The following MYT1 variants were observed in gnomAD, a reference collection of about 807,000 sequenced individuals.
The protein encoded by MYT1 is myelin transcription factor 1.
MYT1 carries 23 observed loss-of-function variants against 123.0 expected under a neutral mutation model. The observed-to-expected ratio is 0.19, with a 90% CI of 0.13 to 0.26. The LOEUF (loss-of-function observed/expected upper bound fraction) is 0.26. Ranked by LOEUF, MYT1 falls within the 10% of genes least tolerant of loss-of-function variation. The pLI is 1.00. For missense variants in MYT1, 1,125 were observed against 1,472.5 expected (o/e 0.76, Z 3.86); for synonymous variants, 518 against 575.3 (o/e 0.90, Z 1.43).
chr20:64,219,432 T>A (rs1407992897), intron 12 of MYT1, among the ~76,000 whole-genome samples: 1 of 152,166 alleles, frequency 6.6e-6, no homozygotes, highest in South Asian at 2.1e-4. Flanking sequence ...GCTGACACAC[T>A]CTCCTTGCTC....
At chr20:64,195,545 A>ACCCG (rs1247384787) in intron 2 of MYT1, among the ~76,000 whole-genome samples, 1 of 151,546 alleles carries the variant, frequency 6.6e-6, no homozygotes, top group African/African-American at 2.4e-5. Context: ...ACAGGCGTGC[A>ACCCG]CCACCACACC....
rs908717229 is a variant in MYT1 at position 64,167,943 on chromosome 20, G to A, written c.-99+3204G>A. 6.6e-6 allele frequency among the ~76,000 whole-genome samples: 1 copy of A among 152,216 alleles called. No individual in the cohort carries two copies. Among genetic ancestry groups the A allele is most frequent in the Non-Finnish European group, 1.5e-5 (1 of 68,038 alleles). On this transcript the variant is annotated intron_variant, in intron 1 of 22. Coordinates refer to ENST00000328439, the MANE Select transcript of MYT1 (RefSeq NM_004535.3). This position sits in a 1 kb window ranked among gnomAD's most constrained non-coding sequence, Gnocchi z 6.3. ...TTTCCCAGAAGGGAAGAGAGCAGTG[G>A]CTGCCGTGCTGCTCCCCCGTGGGCT... is the stretch of plus-strand genomic sequence containing the variant.
intron 18 of MYT1, among the ~76,000 whole-genome samples, chr20:64,228,955 A>G (rs1984247508): frequency 6.6e-6 from 1 of 152,194 alleles, no homozygotes; most frequent in South Asian, 2.1e-4. Flanking sequence ...GGCCAAGAGC[A>G]GCCAGACCTC....
intron 10 of MYT1, among the ~76,000 whole-genome samples, chr20:64,215,126 CAGCTTCCT>C: frequency 6.6e-6 from 1 of 152,328 alleles, no homozygotes; most frequent in South Asian, 2.1e-4. Context: ...CTGTTCCCTC[CAGCTTCCT>C]GTCAGTTGCT....
chr20:64,181,488 A>G (rs1479387540), intron 1 of MYT1, among the ~76,000 whole-genome samples: 2 of 152,044 alleles, frequency 1.3e-5, no homozygotes, highest in African/African-American at 4.8e-5. Context: ...TTTACAATTT[A>G]TTTCCAAGTT....
intron 16 of MYT1, among the ~76,000 whole-genome samples, chr20:64,225,258 G>A (rs1053685919): frequency 3.3e-5 from 5 of 152,206 alleles, no homozygotes; most frequent in African/African-American, 4.8e-5. Context: ...AGGCGGCATC[G>A]GGCACTGGCC....
chr20:64,234,067 G>T (rs1376645004), intron 19 of MYT1, among the ~76,000 whole-genome samples: 7 of 152,232 alleles, frequency 4.6e-5, no homozygotes, highest in African/African-American at 1.4e-4. Context: ...GACTACTGCA[G>T]CCGGGGTCAG....
intron 15 of MYT1, 59 bp downstream of exon 15, chr20:64,223,232 T>C: frequency 6.2e-7 from 1 of 1,609,912 alleles, no homozygotes; most frequent in Non-Finnish European, 8.5e-7. Flanking sequence ...CTTCCTCCTC[T>C]CCTCCTCCTC....
At position 64,239,890 on chromosome 20, in the gene MYT1, G is replaced by A. The variant is rs749499337; in HGVS notation, c.3224G>A (p.Arg1075His). The change falls in exon 22 of 23, where the codon CGC becomes CAC. Residue 1075 changes from arginine to histidine, a missense_variant. By Grantham distance (29) the Arg-to-His change is conservative (BLOSUM62 0). Coordinates refer to ENST00000328439, the MANE Select transcript of MYT1 (RefSeq NM_004535.3). ...CTCATCCAAAGTCTCGCCAATATCC[G>A]CCTTCCGCACATGGTAGGCAGCACG... ...QALIQSLANI[R>H]LPHMEPICEQ... 3.8e-5 allele frequency: 62 copies of A among 1,612,818 alleles called. No homozygotes were observed. In the Middle Eastern group the frequency reaches 4.9e-4, roughly 13 times the overall value.
chr20:64,201,609 C>T (rs976976515), intron 4 of MYT1, among the ~76,000 whole-genome samples: 3 of 152,238 alleles, frequency 2.0e-5, no homozygotes, highest in Non-Finnish European at 4.4e-5. Context: ...GCCTGTGGCT[C>T]GTGCTGGCTG....
At chr20:64,236,068 C>A (rs1199443115) in intron 19 of MYT1, among the ~76,000 whole-genome samples, 19 of 79,448 alleles carry the variant, frequency 2.4e-4, no homozygotes, top group South Asian at 5.4e-4. Flanking sequence ...TGACCCTGGG[C>A]TGGCCGTGGT....
rs756507230 is a variant in MYT1 at position 64,211,300 on chromosome 20, C to T, written c.1386C>T (p.Ser462=). The T allele has an allele frequency of 6.2e-7, 1 of 1,613,978 alleles. No individual in the cohort carries two copies. The highest frequency in any genetic ancestry group is 1.1e-5 in the South Asian group (1 of 90,992). The part of the protein sequence containing the change: ...HVTGLYPHHR[S]LSGCPHKDRI... ...CCGGGTTGTACCCTCACCACCGCAG[C>T]CTTTCTGGCTGTCCCCACAAGGATA... The change falls in exon 8 of 23, where the codon AGC becomes AGT. Residue 462 remains serine (S), a synonymous_variant. Coordinates refer to ENST00000328439, the MANE Select transcript of MYT1 (RefSeq NM_004535.3).
At chr20:64,235,753 T>G (rs190835937) in intron 19 of MYT1, among the ~76,000 whole-genome samples, 1,111 of 33,236 alleles carry the variant, frequency 0.033, 9 homozygotes, top group Non-Finnish European at 0.036. Flanking sequence ...GGGTGACCCT[T>G]GGATGGCTGT....
At chr20:64,197,395 C>T (rs746613778) in intron 2 of MYT1, among the ~76,000 whole-genome samples, 6 of 152,150 alleles carry the variant, frequency 3.9e-5, no homozygotes, top group South Asian at 4.1e-4. Flanking sequence ...CCATTTAAGA[C>T]GTGGGGGCTT....
intron 7 of MYT1, among the ~76,000 whole-genome samples, chr20:64,210,290 G>C (rs1290013831): frequency 6.6e-6 from 1 of 152,242 alleles, no homozygotes; most frequent in Admixed American, 6.5e-5. Context: ...GTGCCCAGCT[G>C]GGCTGTGAGT....
At position 64,167,194 on chromosome 20, in the gene MYT1, A is replaced by G. The variant is rs1982107623; in HGVS notation, c.-99+2455A>G. Among the ~76,000 whole-genome samples, 1 of 152,168 alleles carries G rather than the reference A, an allele frequency of 6.6e-6. No homozygotes were observed. The highest frequency in any genetic ancestry group is 2.4e-5 in the African/African-American group (1 of 41,442). ...TTGCACAACCCAGTACTGTGCAGAG[A>G]GAGCAGGAGAGGTTCCTGAAGACTG... On this transcript the variant is annotated intron_variant, in intron 1 of 22. Coordinates refer to ENST00000328439, the MANE Select transcript of MYT1 (RefSeq NM_004535.3). The surrounding 1 kb of genome is among the most constrained non-coding windows in gnomAD (Gnocchi z 6.3).
At chr20:64,216,278 A>G (rs1185276828) in intron 10 of MYT1, among the ~76,000 whole-genome samples, 1 of 152,256 alleles carries the variant, frequency 6.6e-6, no homozygotes, top group Non-Finnish European at 1.5e-5. Flanking sequence ...CTGAGCTGCC[A>G]GGTTCAGAAG....
intron 16 of MYT1, among the ~76,000 whole-genome samples, chr20:64,226,702 A>G (rs1270057659): frequency 6.6e-6 from 1 of 152,270 alleles, no homozygotes. Context: ...TTGTAATATT[A>G]AAGTGGAATT....
intron 16 of MYT1, among the ~76,000 whole-genome samples, chr20:64,226,021 T>C (rs59741939): frequency 0.3 from 45,114 of 152,124 alleles, 7,278 homozygotes; most frequent in African/African-American, 0.43. Context: ...TCTGTCACTC[T>C]GGCCACCTGA....
Sources: allele counts gnomAD v4.1 joint callset (sites outside exome capture counted in the v4.1 genomes callset), GRCh38; gene constraint gnomAD v4.1.1; non-coding constraint Gnocchi (gnomAD v3.1); transcripts MANE v1.5; gene names NCBI Gene and HGNC (gene_info 2026-07-23, HGNC 2026-07-21).